Variants in RERE observed in about 807,000 individuals in gnomAD.
The protein encoded by RERE is arginine-glutamic acid dipeptide repeats.
RERE carries 40 observed loss-of-function variants against 146.1 expected under a neutral mutation model. That is an observed-to-expected ratio of 0.27 (90% confidence interval 0.21 to 0.36). The LOEUF (loss-of-function observed/expected upper bound fraction) is 0.36, where lower values mean the gene tolerates loss of function less well. Among genes scored for constraint, RERE ranks in the 10% least tolerant of loss-of-function variants. The pLI, the probability that RERE is intolerant of heterozygous loss-of-function variation, is 1.00. For synonymous variants in RERE, 1,003 were observed against 866.0 expected, an observed-to-expected ratio of 1.16 and a Z score of -2.78; for missense variants, 1,933 against 2,138.7, an observed-to-expected ratio of 0.90 and a Z score of 1.90.
At chr1:8,394,223 TC>T (rs1241096469) in intron 12 of RERE, among the ~76,000 whole-genome samples, 1 of 152,208 alleles carries the variant, frequency 6.6e-6, no homozygotes, top group Non-Finnish European at 1.5e-5. Context: ...CAGACACAAT[TC>T]ATCTTGCACA....
Position 8,354,884 on chromosome 1 carries a change from G to A in RERE, c.*203C>T, listed in dbSNP as rs1416107515. 3 of 594,102 alleles carry A rather than the reference G, an allele frequency of 5.0e-6. No homozygotes were observed. The highest frequency in any genetic ancestry group is 8.9e-6 in the Non-Finnish European group (3 of 338,720). The allele number at this position is 594,102 out of a possible 1,614,324, so 36.8% of individuals were successfully genotyped here. On this transcript the variant is annotated 3_prime_UTR_variant, in exon 23 of 23. Transcript: ENST00000400908. ...AAGTTTCTGGGGGACTGTCATGCAG[G>A]GAGATCCAAACCAGTCTCAGGAAAT... is the stretch of plus-strand genomic sequence containing the variant.
At chr1:8,753,101 T>C (rs1640571342) in intron 1 of RERE, among the ~76,000 whole-genome samples, 1 of 152,192 alleles carries the variant, frequency 6.6e-6, no homozygotes. Flanking sequence ...TTAGCATAAA[T>C]GATTCACAGA....
At chr1:8,391,272 G>A (rs58760811) in intron 12 of RERE, among the ~76,000 whole-genome samples, 4,446 of 152,230 alleles carry the variant, frequency 0.029, 231 homozygotes, top group African/African-American at 0.1. Flanking sequence ...ACATACTTGG[G>A]TAAGTTACAC....
intron 1 of RERE, among the ~76,000 whole-genome samples, chr1:8,793,882 G>A (rs1641414546): frequency 6.6e-6 from 1 of 151,700 alleles, no homozygotes; most frequent in African/African-American, 2.4e-5. Flanking sequence ...TGGCCAACAT[G>A]GCAAAACCTC....
chr1:8,517,930 G>A (rs911647503), intron 7 of RERE, among the ~76,000 whole-genome samples: 1 of 152,222 alleles, frequency 6.6e-6, no homozygotes, highest in Non-Finnish European at 1.5e-5. Context: ...CATCTTTGCA[G>A]AGGAGATGGA....
intron 1 of RERE, among the ~76,000 whole-genome samples, chr1:8,813,904 C>T (rs765652555): frequency 1.1e-4 from 16 of 152,162 alleles, no homozygotes; most frequent in Non-Finnish European, 2.1e-4. Flanking sequence ...CGTGAGCCAC[C>T]GCACTAGGCC....
chr1:8,506,965 C>T (rs777457310), intron 8 of RERE, among the ~76,000 whole-genome samples: 2 of 152,112 alleles, frequency 1.3e-5, no homozygotes, highest in Non-Finnish European at 2.9e-5. Context: ...CTGAGGATGA[C>T]GCCACCTCCA....
intron 1 of RERE, among the ~76,000 whole-genome samples, chr1:8,741,421 C>A (rs1640305011): frequency 6.6e-6 from 1 of 152,200 alleles, no homozygotes; most frequent in Admixed American, 6.5e-5. Context: ...CAAATCTCAT[C>A]TTGAATTGTA....
intron 6 of RERE, among the ~76,000 whole-genome samples, chr1:8,553,996 G>T (rs1387220210): frequency 2.0e-5 from 3 of 152,128 alleles, no homozygotes; most frequent in Non-Finnish European, 4.4e-5. Context: ...GGCCAAGATG[G>T]TGAAACCCTG....
intron 4 of RERE, among the ~76,000 whole-genome samples, chr1:8,562,945 C>T (rs1240872042): frequency 1.3e-5 from 2 of 152,114 alleles, no homozygotes; most frequent in Non-Finnish European, 2.9e-5. Context: ...CTTTGAATAA[C>T]AGACAATAGT....
At chr1:8,501,809 G>A (rs1645163653) in intron 8 of RERE, among the ~76,000 whole-genome samples, 1 of 127,062 alleles carries the variant, frequency 7.9e-6, no homozygotes, top group Non-Finnish European at 1.7e-5. Flanking sequence ...GGAGGTGAGG[G>A]GCGCCTCTGC....
At chr1:8,543,595 C>A (rs1460081243) in intron 6 of RERE, among the ~76,000 whole-genome samples, 1 of 152,120 alleles carries the variant, frequency 6.6e-6, no homozygotes, top group Admixed American at 6.5e-5. Flanking sequence ...ATGTTTAGGG[C>A]AGGGTTTATC....
intron 9 of RERE, 80 bp downstream of exon 9, chr1:8,497,325 G>T: frequency 6.7e-7 from 1 of 1,487,076 alleles, no homozygotes; most frequent in South Asian, 1.2e-5. Context: ...TAAAATCTCA[G>T]GGGAAATGCA....
intron 8 of RERE, among the ~76,000 whole-genome samples, chr1:8,498,904 C>T (rs910115314): frequency 2.6e-5 from 4 of 151,868 alleles, no homozygotes; most frequent in Admixed American, 6.6e-5. Flanking sequence ...CGAATCATCA[C>T]GGCAGATTGA....
At chr1:8,508,416 T>C (rs1200328335) in intron 8 of RERE, among the ~76,000 whole-genome samples, 1 of 152,166 alleles carries the variant, frequency 6.6e-6, no homozygotes, top group Non-Finnish European at 1.5e-5. Flanking sequence ...TACAACAATA[T>C]TAATGTACTT....
intron 1 of RERE, among the ~76,000 whole-genome samples, chr1:8,769,784 T>C (rs1011860151): frequency 3.3e-5 from 5 of 151,344 alleles, no homozygotes; most frequent in Non-Finnish European, 7.4e-5. Context: ...GGCCACACGA[T>C]TTTTTTTTAT....
At chr1:8,771,097 C>G (rs1640939872) in intron 1 of RERE, among the ~76,000 whole-genome samples, 1 of 151,966 alleles carries the variant, frequency 6.6e-6, no homozygotes, top group South Asian at 2.1e-4. Flanking sequence ...CAGTCAGAAT[C>G]CACTAAGGAG....
chr1:8,626,383 T>C (rs1646973955), intron 2 of RERE, among the ~76,000 whole-genome samples: 1 of 152,146 alleles, frequency 6.6e-6, no homozygotes. Context: ...ACATACCACA[T>C]TTCATGACAT....
chr1:8,674,357 A>T (rs1638787208), intron 1 of RERE, among the ~76,000 whole-genome samples: 1 of 152,208 alleles, frequency 6.6e-6, no homozygotes, highest in Non-Finnish European at 1.5e-5. Flanking sequence ...CAGGATTAAA[A>T]AAACAAAAAA....
Sources: allele counts gnomAD v4.1 joint callset (sites outside exome capture counted in the v4.1 genomes callset), GRCh38; gene constraint gnomAD v4.1.1; transcripts MANE v1.5; gene names NCBI Gene and HGNC (gene_info 2026-07-23, HGNC 2026-07-21).